Variants in TRNT1 observed in about 807,000 individuals in gnomAD.
TRNT1 encodes the protein tRNA nucleotidyl transferase 1, also known as CCA tRNA nucleotidyltransferase 1, mitochondrial.
Under a neutral mutation model 45.6 loss-of-function variants are expected in TRNT1, and 44 were observed. That is an observed-to-expected ratio of 0.97 (90% CI 0.76 to 1.24). The LOEUF is 1.24. Among genes scored for constraint, TRNT1 ranks in the 50% most tolerant of loss-of-function variants. The probability of loss-of-function intolerance (pLI) is 0.00; values close to 1 mark genes in which losing one functional copy is unlikely to be tolerated. For missense variants in TRNT1, 633 were observed against 504.4 expected, an observed-to-expected ratio of 1.25 and a Z score of -2.44; for synonymous variants, 201 against 171.4, an observed-to-expected ratio of 1.17 and a Z score of -1.35.
At chr3:3,140,342 A>T (rs535650696) in intron 3 of TRNT1, among the ~76,000 whole-genome samples, 168 bp from the exon 4 acceptor site, 3 of 152,146 alleles carry the variant, frequency 2.0e-5, no homozygotes, top group Non-Finnish European at 2.9e-5. Context: ...AATAATGTGG[A>T]TATCTTTCTG....
downstream of TRNT1, chr3:3,149,765 C>CTGAT (rs1345634730): frequency 2.0e-5 from 3 of 152,262 alleles, no homozygotes; most frequent in Admixed American, 1.3e-4. Context: ...TGACACTCAA[C>CTGAT]TGATTTCACT....
intron 2 of TRNT1, chr3:3,136,802 G>A (rs908329476): frequency 8.6e-6 from 3 of 347,652 alleles, no homozygotes; most frequent in African/African-American, 6.6e-5. Flanking sequence ...CTACAGGTGT[G>A]CGCCACTGAA....
chr3:3,152,862 A>C (rs1706677082), downstream of TRNT1: 1 of 465,038 alleles, frequency 2.2e-6, no homozygotes, highest in Admixed American at 3.4e-5. Context: ...AGACATTGTA[A>C]AGAATATAAA....
intron 2 of TRNT1, 151 bp from the exon 3 acceptor site, chr3:3,137,109 G>T: frequency 1.7e-6 from 1 of 595,952 alleles, no homozygotes; most frequent in Non-Finnish European, 2.8e-6. Flanking sequence ...TTACTTCTTT[G>T]GGCCTTGTTC....
chr3:3,144,192 C>T (rs1213486934), intron 4 of TRNT1, among the ~76,000 whole-genome samples: 2 of 152,052 alleles, frequency 1.3e-5, no homozygotes. Context: ...ATAAAGATTC[C>T]AAGATTAAAA....
chr3:3,152,539 A>G (rs1486415725), downstream of TRNT1: 2 of 1,614,136 alleles, frequency 1.2e-6, no homozygotes, highest in Non-Finnish European at 1.7e-6. Flanking sequence ...TCTCATGCAC[A>G]TATCCATGAG....
At position 3,130,017 on chromosome 3, in the gene TRNT1, C is replaced by T. The variant is rs1010389451; in HGVS notation, c.148+829C>T. ...TGTCTGGAAGGAGCATAGGAAATGG[C>T]TTTAGCTAAGTGCCAGTAGCTTCTT... On this transcript the variant is annotated intron_variant, in intron 2 of 7. Coordinates refer to ENST00000251607, the MANE Select transcript of TRNT1 (RefSeq NM_182916.3). 5.0e-6 allele frequency: 7 copies of T among 1,392,176 alleles called. No individual in the cohort carries two copies. The African/African-American group carries it at 5.1e-5, about 10-fold the overall frequency. The allele number at this position is 1,392,176 out of a possible 1,614,324, so 86.2% of individuals were successfully genotyped here. A position where few individuals can be genotyped will look rare whatever the true frequency, so the allele number is the denominator to read the frequency against.
At chr3:3,133,139 A>G (rs1347191716) in intron 2 of TRNT1, among the ~76,000 whole-genome samples, 1 of 152,194 alleles carries the variant, frequency 6.6e-6, no homozygotes, top group Non-Finnish European at 1.5e-5. Context: ...AGTTTTCAGT[A>G]TGCAAGAATA....
At chr3:3,152,308 A>G, downstream of TRNT1, 1 of 838,330 alleles carries the variant, frequency 1.2e-6, no homozygotes, top group Non-Finnish European at 1.9e-6. Flanking sequence ...CCCTGCCCCC[A>G]TACCCGGCTA....
intron 2 of TRNT1, chr3:3,136,626 G>T: frequency 2.3e-6 from 1 of 433,006 alleles, no homozygotes. Context: ...GGAAAAGAAA[G>T]CAGAATTGTT....
At chr3:3,152,272 C>T (rs1389576500), downstream of TRNT1, among the ~76,000 whole-genome samples, 1 of 151,886 alleles carries the variant, frequency 6.6e-6, no homozygotes, top group Non-Finnish European at 1.5e-5. Context: ...TGTGCCTCAG[C>T]ATCCCGAGCA....
intron 4 of TRNT1, among the ~76,000 whole-genome samples, chr3:3,143,453 A>G (rs1228777835): frequency 1.3e-5 from 2 of 152,210 alleles, no homozygotes; most frequent in African/African-American, 2.4e-5. Context: ...CAAAATTCAC[A>G]AAGTTTTAAA....
At chr3:3,133,446 C>G (rs1705136545) in intron 2 of TRNT1, among the ~76,000 whole-genome samples, 1 of 152,102 alleles carries the variant, frequency 6.6e-6, no homozygotes, top group Admixed American at 6.5e-5. Flanking sequence ...GTAGTCCCAG[C>G]TACTCAGGAG....
At position 3,147,956 on chromosome 3, in the gene TRNT1, A is replaced by G. The variant is rs1379694397; in HGVS notation, c.1107A>G (p.Gln369=). Residue 369 remains glutamine, a synonymous_variant, in exon 8 of 8, where the codon CAA becomes CAG. Coordinates refer to ENST00000251607, the MANE Select transcript of TRNT1 (RefSeq NM_182916.3). ...TTRVCELLKY[Q]GEHCLLKEMQ... ...GTGTATGTGAACTACTGAAGTACCAAGGAGAGCACTGTCTCCTAAAGGAAA... is the reference window on the plus strand; with the variant it reads ...GTGTATGTGAACTACTGAAGTACCAGGGAGAGCACTGTCTCCTAAAGGAAA... 8 of 1,613,908 alleles carry G rather than the reference A, an allele frequency of 5.0e-6. No homozygotes were observed. Among genetic ancestry groups the G allele is most frequent in the Non-Finnish European group, 6.8e-6 (8 of 1,179,894 alleles).
intron 4 of TRNT1, among the ~76,000 whole-genome samples, chr3:3,143,184 T>C (rs569575602): frequency 6.6e-6 from 1 of 152,278 alleles, no homozygotes; most frequent in East Asian, 1.9e-4. Context: ...TAAATTCCTT[T>C]TTCTATTTTT....
chr3:3,150,307 A>G (rs1706425263), downstream of TRNT1: 1 of 152,696 alleles, frequency 6.5e-6, no homozygotes, highest in African/African-American at 2.4e-5. Context: ...CTAATTTTCA[A>G]AATTTACAAA....
downstream of TRNT1, chr3:3,149,518 C>A (rs2126042558): frequency 6.6e-6 from 1 of 152,180 alleles, no homozygotes; most frequent in African/African-American, 2.4e-5. Context: ...TAACTCATTG[C>A]AACTGGTTTA....
intron 2 of TRNT1, among the ~76,000 whole-genome samples, chr3:3,132,734 AAAAAAAAAAAC>A (rs1409985145): frequency 7.5e-6 from 1 of 132,472 alleles, no homozygotes; most frequent in Non-Finnish European, 1.6e-5. Context: ...ATTGAAGGAA[AAAAAAAAAAAC>A]ACAAAAAAAA....
chr3:3,152,244 C>T (rs1706613640), downstream of TRNT1, among the ~76,000 whole-genome samples: 1 of 151,668 alleles, frequency 6.6e-6, no homozygotes, highest in Admixed American at 6.6e-5. Context: ...CTCTTGCCTT[C>T]CAGGTTCAAG....
Sources: gnomAD v4.1 joint callset for allele counts (sites outside exome capture counted in the v4.1 genomes callset) on GRCh38, gnomAD v4.1.1 for gene constraint, MANE v1.5 for transcripts, NCBI Gene and HGNC (gene_info 2026-07-23, HGNC 2026-07-21) for gene names.